The following FAM81A variants were observed in gnomAD, a reference collection of about 807,000 sequenced individuals.
The protein encoded by FAM81A is protein FAM81A.
In FAM81A, 19 loss-of-function variants were observed where a neutral mutation model predicts 46.7. The ratio of observed to expected loss-of-function variants is 0.41; its 90% CI spans 0.28 to 0.60. FAM81A has a LOEUF of 0.60. Among genes scored for constraint, FAM81A ranks in the 20% least tolerant of loss-of-function variants. FAM81A has a pLI of 0.34. For missense variants in FAM81A, 377 were observed against 453.5 expected (o/e 0.83, Z 1.53); for synonymous variants, 183 against 152.9 (o/e 1.20, Z -1.45).
intron 6 of FAM81A, among the ~76,000 whole-genome samples, chr15:59,509,185 G>A (rs1206858140): frequency 6.6e-6 from 1 of 152,146 alleles, no homozygotes; most frequent in African/African-American, 2.4e-5. Flanking sequence ...TTCAACAAGT[G>A]TATATTGAGT....
At chr15:59,440,456 G>A (rs115491173) in intron 1 of FAM81A, among the ~76,000 whole-genome samples, 44 of 152,248 alleles carry the variant, frequency 2.9e-4, no homozygotes, top group African/African-American at 9.9e-4. Flanking sequence ...AACAAAAAAC[G>A]TGAGCAGCCA....
intron 4 of FAM81A, among the ~76,000 whole-genome samples, chr15:59,504,791 C>T (rs1217995879): frequency 3.9e-5 from 6 of 152,136 alleles, no homozygotes; most frequent in African/African-American, 1.4e-4. Context: ...CTTCTGATAT[C>T]TGTTGTCTCC....
intron 2 of FAM81A, among the ~76,000 whole-genome samples, chr15:59,414,997 T>C (rs1596461764): frequency 6.6e-6 from 1 of 151,678 alleles, no homozygotes; most frequent in Non-Finnish European, 1.5e-5. Context: ...TTTGTATTTT[T>C]AGTAGAGATG....
rs1043081125 is a variant in FAM81A, at chr15:59,522,975, G to A, written c.*1597G>A. The A allele has an allele frequency of 2.6e-5, 4 of 152,416 alleles. No homozygotes were observed. Among genetic ancestry groups the A allele is most frequent in the South Asian group, 4.1e-4 (2 of 4,834 alleles). 9.4% of individuals were successfully genotyped at this position (152,416 alleles called of 1,614,324 possible). On this transcript the variant is annotated 3_prime_UTR_variant, in exon 9 of 9. Coordinates refer to ENST00000288228, the MANE Select transcript of FAM81A (RefSeq NM_152450.3). ...TTCCACTTAACAAATAAAAAAAGGC[G>A]AATGCTGTTTTGCAATCAGAAAGTG...
chr15:59,426,078 C>T (rs1166855002), intron 2 of FAM81A, among the ~76,000 whole-genome samples: 1 of 152,010 alleles, frequency 6.6e-6, no homozygotes, highest in Non-Finnish European at 1.5e-5. Flanking sequence ...GTCTTTAGTC[C>T]TCTAAAAAAG....
At position 59,507,208 on chromosome 15, in the gene FAM81A, G is replaced by A. The variant is rs563872557; in HGVS notation, c.414-5G>A. 8.1e-6 allele frequency: 13 copies of A among 1,608,652 alleles called. No individual in the cohort carries two copies. The highest frequency in any genetic ancestry group is 1.0e-5 in the Non-Finnish European group (12 of 1,177,402). ...AAGAATCAGCTTTGTTCTTTGTCTG[G>A]ACAGATGTGATGCCAGCATAGCTAG... is the stretch of plus-strand genomic sequence containing the variant. On this transcript the variant is annotated splice_region_variant and splice_polypyrimidine_tract_variant and intron_variant, in intron 4 of 8. Transcript: ENST00000288228.
chr15:59,418,635 A>G (rs1232170089), intron 2 of FAM81A, among the ~76,000 whole-genome samples: 38 of 152,210 alleles, frequency 2.5e-4, no homozygotes, highest in Admixed American at 2.4e-3. Context: ...CAGGCATGGT[A>G]GGAAAAACCG....
chr15:59,516,948 G>A (rs1357955101), intron 8 of FAM81A, 108 bp downstream of exon 8: 12 of 1,022,988 alleles, frequency 1.2e-5, no homozygotes, highest in Admixed American at 3.3e-5. Context: ...GGTAATAACC[G>A]TGAAATATCC....
At chr15:59,452,362 G>A (rs952068797) in intron 1 of FAM81A, among the ~76,000 whole-genome samples, 2 of 152,244 alleles carry the variant, frequency 1.3e-5, no homozygotes, top group African/African-American at 2.4e-5. Context: ...AGATGGTGAT[G>A]TAGGCTGAGC....
chr15:59,458,734 G>C, intron 2 of FAM81A, 88 bp downstream of exon 2: 2 of 1,253,040 alleles, frequency 1.6e-6, no homozygotes, highest in Non-Finnish European at 2.3e-6. Flanking sequence ...CATTATCGGA[G>C]AATGGTTTTG....
At chr15:59,516,449 T>A (rs2082267984) in intron 7 of FAM81A, among the ~76,000 whole-genome samples, 196 bp from the exon 8 acceptor site, 1 of 152,182 alleles carries the variant, frequency 6.6e-6, no homozygotes, top group African/African-American at 2.4e-5. Flanking sequence ...AGTCTTTGTT[T>A]TGAATGACCT....
rs557030932 is a variant in FAM81A at position 59,399,723 on chromosome 15, G to A, written c.-160-2553G>A. ...GGAGAATTCTCTCCCTATGCGAGGC[G>A]CTGGCCAGTCCTCATTCTCAGGTAA... On this transcript the variant is annotated intron_variant, in intron 1 of 4. Coordinates refer to the FAM81A transcript ENST00000558348. 7.2e-5 allele frequency among the ~76,000 whole-genome samples: 11 copies of A among 152,226 alleles called. No individual in the cohort carries two copies. The South Asian group carries it at 2.3e-3, about 32-fold the overall frequency.
At position 59,514,376 on chromosome 15, in the gene FAM81A, G is replaced by A. The variant is rs1343733553; in HGVS notation, c.738G>A (p.Glu246=). Residue 246 remains glutamate (E), a synonymous_variant, in exon 7 of 9, where the codon GAG becomes GAA. Coordinates refer to ENST00000288228, the MANE Select transcript of FAM81A (RefSeq NM_152450.3). ...LQQEQERIEK[E]LLQKIDQLSL... ...AGGAACAAGAACGGATAGAAAAAGA[G>A]CTTTTACAGAAAATTGATCAGCTTT... 6.2e-7 allele frequency: 1 copy of A among 1,613,678 alleles called. No homozygotes were observed. Among genetic ancestry groups the A allele is most frequent in the South Asian group, 1.1e-5 (1 of 91,058 alleles).
intron 2 of FAM81A, among the ~76,000 whole-genome samples, chr15:59,417,785 T>C (rs2081153569): frequency 6.6e-6 from 1 of 152,124 alleles, no homozygotes; most frequent in Admixed American, 6.6e-5. Flanking sequence ...ATTTTTTTTA[T>C]TATACTTTAA....
chr15:59,450,720 T>C (rs1381012134), intron 1 of FAM81A, among the ~76,000 whole-genome samples: 1 of 152,132 alleles, frequency 6.6e-6, no homozygotes, highest in East Asian at 1.9e-4. Flanking sequence ...ACAAAACTTA[T>C]TCAAGTTCTT....
chr15:59,442,201 C>T (rs943015081), intron 1 of FAM81A, among the ~76,000 whole-genome samples: 6 of 152,234 alleles, frequency 3.9e-5, no homozygotes, highest in African/African-American at 1.4e-4. Context: ...CCACATTTCA[C>T]TCAGAATGTA....
chr15:59,465,354 C>T (rs375318184), intron 3 of FAM81A, among the ~76,000 whole-genome samples: 22 of 152,284 alleles, frequency 1.4e-4, no homozygotes, highest in South Asian at 6.2e-4. Context: ...CTCACGGCAA[C>T]CTCAGCCTCC....
At position 59,444,771 on chromosome 15, in the gene FAM81A, T is replaced by C. The variant is rs574553483; in HGVS notation, c.-78+6489T>C. On this transcript the variant is annotated intron_variant, in intron 1 of 8. Coordinates refer to ENST00000288228, the MANE Select transcript of FAM81A (RefSeq NM_152450.3). ...CCTATTGACTGTTTTATTTTATTTT[T>C]TGACTTATTGGATGTGGTTTTATGT... is the stretch of plus-strand genomic sequence containing the variant. 5.3e-5 allele frequency among the ~76,000 whole-genome samples: 8 copies of C among 152,352 alleles called. No homozygotes were observed. The South Asian group carries it at 1.5e-3, about 28-fold the overall frequency.
intron 3 of FAM81A, among the ~76,000 whole-genome samples, chr15:59,491,577 G>T (rs76410302): frequency 0.081 from 12,393 of 152,202 alleles, 608 homozygotes; most frequent in African/African-American, 0.13. Context: ...GTATAATTGG[G>T]TTGTTTGTAA....
Sources: allele counts gnomAD v4.1 joint callset (sites outside exome capture counted in the v4.1 genomes callset), GRCh38; gene constraint gnomAD v4.1.1; transcripts MANE v1.5; gene names NCBI Gene and HGNC (gene_info 2026-07-23, HGNC 2026-07-21).